Variants in DACH1 observed in about 807,000 individuals in gnomAD.
DACH1 encodes the protein dachshund homolog 1.
Under a neutral mutation model 54.2 loss-of-function variants are expected in DACH1, and 12 were observed. The ratio of observed to expected loss-of-function variants is 0.22; its 90% CI spans 0.14 to 0.36. DACH1 has a LOEUF of 0.36. Among genes scored for constraint, DACH1 ranks in the 10% least tolerant of loss-of-function variants. The pLI is 1.00. For synonymous variants in DACH1, 386 were observed against 366.2 expected, an observed-to-expected ratio of 1.05 and a Z score of -0.62; for missense variants, 805 against 929.8, an observed-to-expected ratio of 0.87 and a Z score of 1.75.
At chr13:71,779,008 T>C (rs1886192639) in intron 1 of DACH1, among the ~76,000 whole-genome samples, 1 of 151,588 alleles carries the variant, frequency 6.6e-6, no homozygotes, top group African/African-American at 2.4e-5. Context: ...GACTTAACTT[T>C]GATACCTTTT....
intron 1 of DACH1, among the ~76,000 whole-genome samples, chr13:71,809,646 AG>A (rs1887635792): frequency 6.6e-6 from 1 of 152,202 alleles, no homozygotes; most frequent in Admixed American, 6.5e-5. Context: ...TTTTTTCCAA[AG>A]AAGATAGTGT....
At chr13:71,830,869 C>G (rs1253500368) in intron 1 of DACH1, among the ~76,000 whole-genome samples, 1 of 151,884 alleles carries the variant, frequency 6.6e-6, no homozygotes, top group African/African-American at 2.4e-5. Context: ...TCTCTCTACT[C>G]TAAGTGATGG....
Position 71,866,311 on chromosome 13 carries a change from A to ACTGCTG in DACH1, c.453_458dup (p.Ser162_Ser163dup), listed in dbSNP as rs751513415. On this transcript the variant is annotated inframe_insertion, in exon 1 of 11. Coordinates refer to ENST00000613252, the MANE Select transcript of DACH1 (RefSeq NM_080759.6). Reference sequence around the variant, plus strand: ...TGCTGCTACTGCTGCTGCTGCTACTACTGCTGCTGCTGCTGCTGCTGCTAC... The same window carrying ACTGCTG: ...TGCTGCTACTGCTGCTGCTGCTACTACTGCTGCTGCTGCTGCTGCTGCTGCTGCTAC... The ACTGCTG allele has an allele frequency of 2.6e-4, 394 of 1,541,626 alleles. 2 individuals are homozygous for ACTGCTG. In the East Asian group the frequency reaches 7.9e-3, roughly 31 times the overall value.
chr13:71,544,476 T>C (rs1883336127), intron 6 of DACH1, among the ~76,000 whole-genome samples: 1 of 152,186 alleles, frequency 6.6e-6, no homozygotes, highest in African/African-American at 2.4e-5. Flanking sequence ...AATAACAAAT[T>C]TCTGAATGAA....
chr13:71,825,245 T>C (rs559515606), intron 1 of DACH1, among the ~76,000 whole-genome samples: 10 of 152,260 alleles, frequency 6.6e-5, no homozygotes, highest in Middle Eastern at 3.4e-3. Flanking sequence ...GCACAGGTGA[T>C]AATTTTGCAT....
intron 1 of DACH1, among the ~76,000 whole-genome samples, chr13:71,790,909 C>G (rs988179952): frequency 6.6e-6 from 1 of 152,140 alleles, no homozygotes; most frequent in Non-Finnish European, 1.5e-5. Context: ...CATAGAGCCC[C>G]CCGGTAATTG....
intron 3 of DACH1, among the ~76,000 whole-genome samples, chr13:71,626,351 A>G (rs1876644558): frequency 6.6e-6 from 1 of 151,994 alleles, no homozygotes; most frequent in Non-Finnish European, 1.5e-5. Context: ...AGTATTCTCA[A>G]AAGTGTGCAT....
intron 1 of DACH1, among the ~76,000 whole-genome samples, chr13:71,796,218 T>G (rs975370289): frequency 1.3e-5 from 2 of 152,146 alleles, no homozygotes; most frequent in African/African-American, 4.8e-5. Flanking sequence ...ATAATAGTGC[T>G]TGTTCTTTTT....
chr13:71,568,064 A>C (rs1884995704), intron 4 of DACH1, among the ~76,000 whole-genome samples: 1 of 152,054 alleles, frequency 6.6e-6, no homozygotes, highest in Non-Finnish European at 1.5e-5. Context: ...GTAATAAAGG[A>C]ATACATCCTT....
rs559041116 is a variant in DACH1, at chr13:71,866,115, G to A, written c.655C>T (p.Leu219=). 1.2e-6 allele frequency: 2 copies of A among 1,613,770 alleles called. No homozygotes were observed. The highest frequency in any genetic ancestry group is 2.2e-5 in the East Asian group (1 of 44,766). ...TGCAAGCCCCCCACCAAGTGCTTCA[G>A]GAACAGGTCGAAAGCCTGGGGCAGG... ...ICLPQAFDLF[L]KHLVGGLHTV... The change falls in exon 1 of 11, where the codon CTG becomes TTG. Residue 219 remains leucine, a synonymous_variant. Transcript: ENST00000613252.
intron 3 of DACH1, among the ~76,000 whole-genome samples, chr13:71,600,474 C>G (rs1337028631): frequency 6.6e-6 from 1 of 151,854 alleles, no homozygotes; most frequent in Non-Finnish European, 1.5e-5. Context: ...CTTATAACTA[C>G]AATGATTATA....
intron 2 of DACH1, among the ~76,000 whole-genome samples, chr13:71,660,355 T>C (rs1359070440): frequency 6.6e-6 from 1 of 152,140 alleles, no homozygotes; most frequent in Non-Finnish European, 1.5e-5. Flanking sequence ...ATACAGCATG[T>C]CAATATTTCA....
In DACH1 at chr13:71,631,178, A is replaced by G. The variant is rs1302845211; in HGVS notation, c.965-461T>C. ...TGGCTATATCACAGATGTCACCATT[A>G]CCCATACATGACCTGCATCTTCAAG... On this transcript the variant is annotated intron_variant, in intron 2 of 10. Transcript: ENST00000613252. Among the ~76,000 whole-genome samples the G allele has an allele frequency of 5.3e-5, 8 of 152,232 alleles. No individual in the cohort carries two copies. The East Asian group carries it at 1.5e-3, about 29-fold the overall frequency.
At chr13:71,590,875 C>CTTTTTTTTTTTTTTTTT (rs71123234) in intron 3 of DACH1, among the ~76,000 whole-genome samples, 1 of 85,140 alleles carries the variant, frequency 1.2e-5, no homozygotes, top group Non-Finnish European at 2.2e-5. Context: ...CTCTCTCTTT[C>CTTTTTTTTTTTTTTTTT]TTTTTTTTTT....
intron 4 of DACH1, 107 bp from the exon 5 acceptor site, chr13:71,560,062 T>C (rs1884493380): frequency 8.1e-7 from 1 of 1,235,650 alleles, no homozygotes; most frequent in African/African-American, 1.6e-5. Flanking sequence ...GTAAAGAGAA[T>C]AAACACTTTA....
chr13:71,687,205 TTATA>T (rs1881212772), intron 1 of DACH1, among the ~76,000 whole-genome samples: 1 of 152,148 alleles, frequency 6.6e-6, no homozygotes, highest in Non-Finnish European at 1.5e-5. Flanking sequence ...TTTGTAAACT[TTATA>T]TATGTATGTA....
At chr13:71,538,497 A>C (rs1201108744) in intron 6 of DACH1, among the ~76,000 whole-genome samples, 3 of 152,110 alleles carry the variant, frequency 2.0e-5, no homozygotes, top group Non-Finnish European at 4.4e-5. Context: ...AGCAAGGAAA[A>C]GGAATATGCA....
At chr13:71,657,482 C>T (rs1229434867) in intron 2 of DACH1, among the ~76,000 whole-genome samples, 12 of 149,804 alleles carry the variant, frequency 8.0e-5, no homozygotes, top group African/African-American at 3.0e-4. Flanking sequence ...GTCTGGGTGA[C>T]AGACTGAGAC....
rs559728941 is a variant in DACH1 at position 71,762,765 on chromosome 13, T to C, written c.849-80855A>G. ...CTTGGGCAACAAGAGTGAAACTTTG[T>C]CTCAAAAAAAAAAAAAAAAAAAAAA... On this transcript the variant is annotated intron_variant, in intron 1 of 10. Transcript: ENST00000613252. 4.0e-4 allele frequency among the ~76,000 whole-genome samples: 30 copies of C among 75,682 alleles called. No individual in the cohort carries two copies. The East Asian group carries it at 6.6e-3, about 17-fold the overall frequency. 49.7% of individuals were successfully genotyped at this position (75,682 alleles called of 152,430 possible).
Sources: gnomAD v4.1 joint callset for allele counts (sites outside exome capture counted in the v4.1 genomes callset) on GRCh38, gnomAD v4.1.1 for gene constraint, MANE v1.5 for transcripts, NCBI Gene and HGNC (gene_info 2026-07-23, HGNC 2026-07-21) for gene names.